EPHA5: variants seen among roughly 807,000 people sequenced by gnomAD.
The protein encoded by EPHA5 is EPH receptor A5.
Under a neutral mutation model 105.0 loss-of-function variants are expected in EPHA5, and 60 were observed. That is an observed-to-expected ratio of 0.57 (90% CI 0.46 to 0.71). The LOEUF (loss-of-function observed/expected upper bound fraction) is 0.71, where lower values mean the gene tolerates loss of function less well. Ranked by LOEUF, EPHA5 falls within the 30% of genes least tolerant of loss-of-function variation. EPHA5 has a pLI of 0.00. For missense variants in EPHA5, 1,218 were observed against 1,274.7 expected (o/e 0.96, Z 0.68); for synonymous variants, 513 against 449.1 (o/e 1.14, Z -1.80).
intron 3 of EPHA5, among the ~76,000 whole-genome samples, chr4:65,570,198 C>T (rs1739979380): frequency 6.6e-6 from 1 of 151,864 alleles, no homozygotes; most frequent in Non-Finnish European, 1.5e-5. Context: ...CCTAACTACA[C>T]TCACTCTTAA....
intron 3 of EPHA5, among the ~76,000 whole-genome samples, chr4:65,575,353 C>A (rs1740789508): frequency 6.6e-6 from 1 of 152,126 alleles, no homozygotes; most frequent in African/African-American, 2.4e-5. Flanking sequence ...TCCTTAACAA[C>A]TTTGTGGTAT....
At chr4:65,634,188 T>G (rs1350407067) in intron 2 of EPHA5, among the ~76,000 whole-genome samples, 1 of 152,090 alleles carries the variant, frequency 6.6e-6, no homozygotes, top group Non-Finnish European at 1.5e-5. Context: ...TATGAGTTTC[T>G]CTATTAATTA....
chr4:65,592,282 G>A (rs1742740193), intron 3 of EPHA5, among the ~76,000 whole-genome samples: 2 of 152,068 alleles, frequency 1.3e-5, no homozygotes, highest in African/African-American at 4.8e-5. Flanking sequence ...ACACAGGGCA[G>A]AAACAAAGGG....
chr4:65,414,998 A>G (rs941981081), intron 6 of EPHA5, among the ~76,000 whole-genome samples: 2 of 152,232 alleles, frequency 1.3e-5, no homozygotes, highest in African/African-American at 4.8e-5. Flanking sequence ...TTAAAGAAAA[A>G]TGCAGATAAG....
intron 2 of EPHA5, among the ~76,000 whole-genome samples, chr4:65,603,450 T>TG (rs1297301815): frequency 4.7e-5 from 7 of 150,366 alleles, no homozygotes; most frequent in African/African-American, 1.7e-4. Flanking sequence ...CCAGAATGTG[T>TG]GATTTCAGAC....
chr4:65,601,995 G>A lies in EPHA5; in HGVS notation c.556C>T (p.Leu186Phe), dbSNP rs777341649. 6.2e-7 allele frequency: 1 copy of A among 1,614,168 alleles called. No individual in the cohort carries two copies. The highest frequency in any genetic ancestry group is 8.5e-7 in the Non-Finnish European group (1 of 1,180,012). Residue 186 changes from leucine (L) to phenylalanine (F), a missense_variant, in exon 3 of 17, where the codon CTT becomes TTT. Transcript: ENST00000613740. ...TIAADESFTE[L>F]DLGDRVMKLN... is the part of the protein sequence containing the mutation. ...TTCATAACACGGTCACCAAGATCAA[G>A]TTCTGTAAAGCTTTCATCGGCAGCA...
chr4:65,410,468 T>A (rs937287475), intron 7 of EPHA5, among the ~76,000 whole-genome samples: 2 of 152,186 alleles, frequency 1.3e-5, no homozygotes, highest in African/African-American at 4.8e-5. Context: ...ACACAAGGGA[T>A]CTTTACGGTA....
chr4:65,422,794 T>C (rs1160913802), intron 5 of EPHA5, among the ~76,000 whole-genome samples: 1 of 152,058 alleles, frequency 6.6e-6, no homozygotes, highest in Admixed American at 6.6e-5. Context: ...ATTTTTAAAG[T>C]TTTAAATTTA....
chr4:65,348,779 A>G (rs1459041487), intron 13 of EPHA5, among the ~76,000 whole-genome samples: 2 of 69,566 alleles, frequency 2.9e-5, no homozygotes, highest in African/African-American at 9.7e-5. Context: ...ATGTGTGTGC[A>G]TGTGTGTGTG....
intron 1 of EPHA5, 41 bp from the exon 2 acceptor site, chr4:65,643,468 A>T: frequency 6.7e-7 from 1 of 1,499,034 alleles, no homozygotes; most frequent in Non-Finnish European, 9.3e-7. Flanking sequence ...AATGTATATT[A>T]TCATGAATAT....
chr4:65,555,924 T>C (rs1738392597), intron 3 of EPHA5, among the ~76,000 whole-genome samples: 1 of 152,166 alleles, frequency 6.6e-6, no homozygotes, highest in Non-Finnish European at 1.5e-5. Flanking sequence ...AAAAAGACTA[T>C]GGAAAACATA....
At chr4:65,427,022 G>A (rs1028087088) in intron 5 of EPHA5, among the ~76,000 whole-genome samples, 3 of 151,770 alleles carry the variant, frequency 2.0e-5, no homozygotes, top group African/African-American at 2.4e-5. Flanking sequence ...AGAATTAGAA[G>A]TCAAGTGACT....
At chr4:65,422,535 A>C (rs1724039559) in intron 5 of EPHA5, among the ~76,000 whole-genome samples, 4 of 152,114 alleles carry the variant, frequency 2.6e-5, no homozygotes, top group Admixed American at 2.6e-4. Flanking sequence ...GTGATGTCAA[A>C]TCATAAAACT....
chr4:65,344,335 T>A (rs569701726), intron 14 of EPHA5, among the ~76,000 whole-genome samples: 1 of 152,252 alleles, frequency 6.6e-6, no homozygotes, highest in South Asian at 2.1e-4. Flanking sequence ...ACAGACCCAC[T>A]GGCCCTCAGG....
chr4:65,607,991 A>C (rs1744399515), intron 2 of EPHA5, among the ~76,000 whole-genome samples: 1 of 152,174 alleles, frequency 6.6e-6, no homozygotes, highest in South Asian at 2.1e-4. Context: ...ACCATGAAAC[A>C]CTGTGCAGCC....
intron 3 of EPHA5, among the ~76,000 whole-genome samples, chr4:65,581,798 C>A (rs980316339): frequency 3.3e-5 from 5 of 151,656 alleles, no homozygotes; most frequent in African/African-American, 1.2e-4. Context: ...TCTAAATGGG[C>A]AATAACTTGG....
In EPHA5 at chr4:65,430,867, T is replaced by G. The variant is rs79690793; in HGVS notation, c.1403-10302A>C. Among the ~76,000 whole-genome samples the G allele has an allele frequency of 6.1e-3, 922 of 152,220 alleles. 14 individuals carry two copies. The highest frequency in any genetic ancestry group is 0.021 in the African/African-American group (889 of 41,540). On this transcript the variant is annotated intron_variant, in intron 5 of 16. Transcript: ENST00000613740. ...TAAATGTCTTAATTTTTGCTCAGTTTCCTTACTGCTTTGCAAAGCTGATTA... is the reference window on the plus strand; with the variant it reads ...TAAATGTCTTAATTTTTGCTCAGTTGCCTTACTGCTTTGCAAAGCTGATTA...
chr4:65,341,187 T>A (rs1352920331), intron 14 of EPHA5, among the ~76,000 whole-genome samples: 1 of 152,128 alleles, frequency 6.6e-6, no homozygotes, highest in African/African-American at 2.4e-5. Context: ...ATGCAGGCTG[T>A]TTTTAATTAT....
intron 5 of EPHA5, among the ~76,000 whole-genome samples, chr4:65,460,250 A>G (rs905979955): frequency 2.0e-5 from 3 of 151,606 alleles, no homozygotes; most frequent in Admixed American, 1.3e-4. Context: ...TTAATATTAT[A>G]TAGTCTCAAG....
Sources: allele counts gnomAD v4.1 joint callset (sites outside exome capture counted in the v4.1 genomes callset), GRCh38; gene constraint gnomAD v4.1.1; transcripts MANE v1.5; gene names NCBI Gene and HGNC (gene_info 2026-07-23, HGNC 2026-07-21).